Variants in HHLA2 observed in about 807,000 individuals in gnomAD.
The protein encoded by HHLA2 is HHLA2 member of B7 family, also known as HERV-H LTR-associating protein 2.
A neutral mutation model predicts 45.9 loss-of-function variants in HHLA2; 48 were observed. The ratio of observed to expected loss-of-function variants is 1.05; its 90% CI spans 0.83 to 1.33. The LOEUF (loss-of-function observed/expected upper bound fraction) is 1.33. HHLA2 is among the 40% of genes most tolerant of loss of function. HHLA2 has a pLI of 0.00. For missense variants in HHLA2, 462 were observed against 494.3 expected (o/e 0.93, Z 0.62); for synonymous variants, 161 against 173.9 (o/e 0.93, Z 0.59).
At chr3:108,342,248 C>A (rs928854864) in intron 3 of HHLA2, among the ~76,000 whole-genome samples, 1 of 131,738 alleles carries the variant, frequency 7.6e-6, no homozygotes, top group Non-Finnish European at 1.6e-5. Flanking sequence ...GCTCCTTTTT[C>A]TTCTTTCTCT....
chr3:108,331,385 T>G (rs2081383161), intron 3 of HHLA2, among the ~76,000 whole-genome samples: 1 of 152,212 alleles, frequency 6.6e-6, no homozygotes, highest in Non-Finnish European at 1.5e-5. Flanking sequence ...TGTTAATATT[T>G]TATCCCATTT....
chr3:108,358,988 G>A (rs1459794711), intron 7 of HHLA2, among the ~76,000 whole-genome samples: 1 of 152,172 alleles, frequency 6.6e-6, no homozygotes, highest in East Asian at 1.9e-4. Flanking sequence ...ATACTTGGAA[G>A]CTTCTGGACA....
At chr3:108,371,296 AGGCCT>A (rs1185933316) in intron 8 of HHLA2, among the ~76,000 whole-genome samples, 2 of 152,218 alleles carry the variant, frequency 1.3e-5, no homozygotes, top group African/African-American at 4.8e-5. Flanking sequence ...TGTCACCACC[AGGCCT>A]GCCCTAAAAG....
At chr3:108,373,279 C>T (rs188061792) in intron 8 of HHLA2, among the ~76,000 whole-genome samples, 21 of 152,242 alleles carry the variant, frequency 1.4e-4, no homozygotes, top group East Asian at 7.7e-4. Flanking sequence ...AATTCAACAA[C>T]GCCTTCATGC....
At chr3:108,348,600 G>A (rs1673465275) in intron 3 of HHLA2, among the ~76,000 whole-genome samples, 1 of 151,868 alleles carries the variant, frequency 6.6e-6, no homozygotes, top group South Asian at 2.1e-4. Context: ...GAGAGAGAGA[G>A]ATCCTGATGA....
chr3:108,342,259 CTTTTTTTTTTTT>C (rs58477416), intron 3 of HHLA2, among the ~76,000 whole-genome samples: 3 of 108,092 alleles, frequency 2.8e-5, no homozygotes, highest in Non-Finnish European at 5.4e-5. Flanking sequence ...TTCTTTCTCT[CTTTTTTTTTTTT>C]TTTTTTTTTG....
intron 8 of HHLA2, among the ~76,000 whole-genome samples, chr3:108,372,536 G>A (rs1466510414): frequency 1.3e-5 from 2 of 151,070 alleles, no homozygotes; most frequent in Non-Finnish European, 3.0e-5. Flanking sequence ...AATGAATCCA[G>A]GAGCTGGTTT....
At chr3:108,348,469 T>C (rs2081709416) in intron 3 of HHLA2, among the ~76,000 whole-genome samples, 2 of 152,136 alleles carry the variant, frequency 1.3e-5, no homozygotes, top group African/African-American at 4.8e-5. Flanking sequence ...TAGACAATTA[T>C]TTCAAGAAAT....
At chr3:108,313,526 G>C (rs147177448) in intron 2 of HHLA2, among the ~76,000 whole-genome samples, 92 of 152,302 alleles carry the variant, frequency 6.0e-4, no homozygotes, top group Non-Finnish European at 1.3e-4. Flanking sequence ...TGTTGTGGGG[G>C]TGCTGAGAGG....
At chr3:108,356,999 G>A (rs1419396599) in intron 6 of HHLA2, among the ~76,000 whole-genome samples, 1 of 152,182 alleles carries the variant, frequency 6.6e-6, no homozygotes, top group East Asian at 1.9e-4. Flanking sequence ...TGGAATCAAT[G>A]GATCAAGAGA....
chr3:108,325,894 A>G, intron 2 of HHLA2: 1 of 404,706 alleles, frequency 2.5e-6, no homozygotes, highest in Non-Finnish European at 4.8e-6. Flanking sequence ...ATGAAGCACT[A>G]GCCATCTCTT....
At chr3:108,338,208 T>G (rs1313838652) in intron 3 of HHLA2, among the ~76,000 whole-genome samples, 2 of 151,840 alleles carry the variant, frequency 1.3e-5, no homozygotes, top group African/African-American at 4.8e-5. Context: ...AAGATATATA[T>G]ATATATCTTT....
chr3:108,299,671 G>A (rs970275536), intron 1 of HHLA2, among the ~76,000 whole-genome samples: 4 of 152,144 alleles, frequency 2.6e-5, no homozygotes, highest in African/African-American at 9.7e-5. Flanking sequence ...GCTGATAAGA[G>A]AGGAGGAAGG....
At chr3:108,318,862 CAG>C (rs1183114964) in intron 2 of HHLA2, among the ~76,000 whole-genome samples, 1 of 152,192 alleles carries the variant, frequency 6.6e-6, no homozygotes, top group East Asian at 1.9e-4. Flanking sequence ...TGGAATTCCC[CAG>C]AGATTCATAT....
At chr3:108,357,710 T>C in intron 6 of HHLA2, 134 bp from the exon 6 acceptor site, 4 of 727,802 alleles carry the variant, frequency 5.5e-6, no homozygotes, top group Non-Finnish European at 8.9e-6. Flanking sequence ...AGTACAAATA[T>C]AATTACTTTC....
Position 108,334,347 on chromosome 3 carries a change from C to T in HHLA2, c.-27+6000C>T, listed in dbSNP as rs191560997. Among the ~76,000 whole-genome samples, 7 of 152,304 alleles carry T rather than the reference C, an allele frequency of 4.6e-5. 1 individual carries two copies. The East Asian group carries it at 1.4e-3, about 29-fold the overall frequency. On this transcript the variant is annotated intron_variant, in intron 3 of 10. Coordinates refer to ENST00000619531, the Ensembl canonical transcript of HHLA2. Reference sequence around the variant, plus strand: ...CCCAAAACTTTCATTGCCCAAGTGTCATCAGTGCTGTATCAATGCTGAGAA... The same window carrying T: ...CCCAAAACTTTCATTGCCCAAGTGTTATCAGTGCTGTATCAATGCTGAGAA...
chr3:108,368,242 C>T (rs2107500394), intron 8 of HHLA2, among the ~76,000 whole-genome samples: 2 of 151,982 alleles, frequency 1.3e-5, no homozygotes, highest in South Asian at 4.2e-4. Flanking sequence ...CAGTACCAGC[C>T]ACTGCAAAAA....
Position 108,306,101 on chromosome 3 carries a change from A to G in HHLA2, c.-191-4554A>G, listed in dbSNP as rs114633893. Among the ~76,000 whole-genome samples, 768 of 152,304 alleles carry G rather than the reference A, an allele frequency of 5.0e-3. 5 individuals carry two copies. The highest frequency in any genetic ancestry group is 0.018 in the African/African-American group (750 of 41,574). On this transcript the variant is annotated intron_variant, in intron 1 of 10. Transcript: ENST00000619531. ...TGCAAGGGTTCCCCAGTCATCTAAC[A>G]AAACTTTCTTAGAACTGCTGCAAGC...
chr3:108,377,173 C>T, intron 10 of HHLA2, 85 bp from the exon 10 acceptor site: 1 of 926,302 alleles, frequency 1.1e-6, no homozygotes, highest in Non-Finnish European at 1.7e-6. Context: ...CACCCCAAAA[C>T]ACTACTATCA....
Sources: allele counts gnomAD v4.1 joint callset (sites outside exome capture counted in the v4.1 genomes callset), GRCh38; gene constraint gnomAD v4.1.1; transcripts MANE v1.5; gene names NCBI Gene and HGNC (gene_info 2026-07-23, HGNC 2026-07-21).